Variants in INIP observed in about 807,000 individuals in gnomAD.
The protein encoded by INIP is SOSS complex subunit C.
Under a neutral mutation model 14.0 loss-of-function variants are expected in INIP, and 9 were observed. The observed-to-expected ratio is 0.64, with a 90% CI of 0.39 to 1.12. INIP has a LOEUF of 1.12. Among genes scored for constraint, INIP ranks in the 50% most tolerant of loss-of-function variants. The pLI is 0.01. For synonymous variants in INIP, 37 were observed against 41.5 expected (o/e 0.89, Z 0.41); for missense variants, 78 against 122.7 (o/e 0.64, Z 1.72).
intron 2 of INIP, among the ~76,000 whole-genome samples, chr9:112,700,201 G>T (rs1168476767): frequency 6.6e-6 from 1 of 152,026 alleles, no homozygotes; most frequent in Non-Finnish European, 1.5e-5. Context: ...GTAGTTGTTG[G>T]TTATCAAAGC....
At chr9:112,700,831 T>C (rs888065453) in intron 2 of INIP, among the ~76,000 whole-genome samples, 1 of 151,968 alleles carries the variant, frequency 6.6e-6, no homozygotes, top group Non-Finnish European at 1.5e-5. Context: ...GGTGGAAATC[T>C]GTAACTATAG....
chr9:112,703,439 C>G (rs1368810071), intron 2 of INIP, among the ~76,000 whole-genome samples: 1 of 152,088 alleles, frequency 6.6e-6, no homozygotes, highest in Non-Finnish European at 1.5e-5. Context: ...GAACCAGAGG[C>G]CAGACATGGT....
intron 2 of INIP, among the ~76,000 whole-genome samples, chr9:112,707,240 CT>C (rs745697280): frequency 0.038 from 4,705 of 124,258 alleles, 217 homozygotes; most frequent in African/African-American, 0.11. Flanking sequence ...TGCCCGGCCT[CT>C]TTTTTTTTTT....
chr9:112,702,973 T>A (rs551272557), intron 2 of INIP, among the ~76,000 whole-genome samples: 1 of 152,346 alleles, frequency 6.6e-6, no homozygotes, highest in South Asian at 2.1e-4. Flanking sequence ...TGTATGAATT[T>A]TTTTTTTTAG....
At chr9:112,689,498 G>A (rs780965297) in intron 4 of INIP, 29 bp downstream of exon 4, 93 of 1,581,512 alleles carry the variant, frequency 5.9e-5, no homozygotes, top group Admixed American at 4.2e-4. Flanking sequence ...AACCTCCACC[G>A]AGGCAAGAAT....
chr9:112,699,209 G>GTGAC (rs1305483449), intron 2 of INIP, among the ~76,000 whole-genome samples: 1 of 151,730 alleles, frequency 6.6e-6, no homozygotes, highest in Non-Finnish European at 1.5e-5. Flanking sequence ...TGTAGTCCCA[G>GTGAC]TGACTCAGGA....
chr9:112,706,751 C>T (rs1435392558), intron 2 of INIP, among the ~76,000 whole-genome samples: 3 of 151,984 alleles, frequency 2.0e-5, no homozygotes, highest in Non-Finnish European at 2.9e-5. Context: ...ATCTCATGTA[C>T]GGTAAGAACT....
intron 2 of INIP, among the ~76,000 whole-genome samples, chr9:112,705,503 G>T (rs754009212): frequency 3.9e-5 from 6 of 152,036 alleles, no homozygotes; most frequent in Non-Finnish European, 8.8e-5. Context: ...TACAAATGGG[G>T]TCCCCTTGTG....
At chr9:112,716,845 C>T (rs1249148747) in intron 1 of INIP, among the ~76,000 whole-genome samples, 1 of 151,626 alleles carries the variant, frequency 6.6e-6, no homozygotes, top group Non-Finnish European at 1.5e-5. Context: ...GTCCCAGCTA[C>T]TCGGGAGGGC....
rs889332911 is a variant in INIP, at chr9:112,684,975, G to A, written c.*2563C>T. 2.0e-5 allele frequency: 3 copies of A among 152,330 alleles called. No individual in the cohort carries two copies. Among genetic ancestry groups the A allele is most frequent in the South Asian group, 2.1e-4 (1 of 4,822 alleles). The allele number at this position is 152,330 out of a possible 1,614,324, so 9.4% of individuals were successfully genotyped here. On this transcript the variant is annotated 3_prime_UTR_variant, in exon 5 of 5. Coordinates refer to ENST00000374242, the MANE Select transcript of INIP (RefSeq NM_021218.3). The stretch of plus-strand genomic sequence containing the variant: ...CTCATTCTGAAACCTTGCTCTGCAC[G>A]TGGAGCAGCTCTTCCTTCCCTTGTC...
rs201444589 is a variant in INIP, at chr9:112,710,757, GA to G, written c.25+5703del. Among the ~76,000 whole-genome samples, 304 of 152,190 alleles carry G rather than the reference GA, an allele frequency of 2.0e-3. 2 individuals carry two copies. Among genetic ancestry groups the G allele is most frequent in the African/African-American group, 7.0e-3 (290 of 41,516 alleles). On this transcript the variant is annotated intron_variant, in intron 2 of 4. Coordinates refer to ENST00000374242, the MANE Select transcript of INIP (RefSeq NM_021218.3). ...ACATTAATAAATTACAACACATAAA[GA>G]TTTTTTTTAAATCATGGTTCTTTCA... is the stretch of plus-strand genomic sequence containing the variant.
intron 2 of INIP, among the ~76,000 whole-genome samples, chr9:112,714,390 G>A (rs993479880): frequency 6.6e-6 from 1 of 152,232 alleles, no homozygotes; most frequent in African/African-American, 2.4e-5. Flanking sequence ...AAGTAGTTAA[G>A]TGGTTAACTA....
In INIP at chr9:112,687,327, A is replaced by C; in HGVS notation, c.*211T>G. On this transcript the variant is annotated 3_prime_UTR_variant, in exon 5 of 5. Transcript: ENST00000374242. Reference sequence around the variant, plus strand: ...TACAAAAAAGTTACAGTCACGGTACATAATCAATTCCTTGGACGATACAGC... The same window carrying C: ...TACAAAAAAGTTACAGTCACGGTACCTAATCAATTCCTTGGACGATACAGC... 2.2e-6 allele frequency: 1 copy of C among 454,858 alleles called. No individual in the cohort carries two copies. The highest frequency in any genetic ancestry group is 4.0e-6 in the Non-Finnish European group (1 of 249,854). 28.2% of individuals were successfully genotyped at this position (454,858 alleles called of 1,614,324 possible). A position where few individuals can be genotyped will look rare whatever the true frequency, so the allele number is the denominator to read the frequency against.
chr9:112,699,948 T>C (rs1008110023), intron 2 of INIP, among the ~76,000 whole-genome samples: 1 of 152,192 alleles, frequency 6.6e-6, no homozygotes, highest in Non-Finnish European at 1.5e-5. Context: ...TACATAACCA[T>C]TCTGTTTAGT....
At chr9:112,695,269 A>G (rs1335005788) in intron 2 of INIP, among the ~76,000 whole-genome samples, 1 of 151,810 alleles carries the variant, frequency 6.6e-6, no homozygotes, top group Non-Finnish European at 1.5e-5. Flanking sequence ...AAAAAAAAAA[A>G]AAAAAGATAA....
intron 3 of INIP, among the ~76,000 whole-genome samples, chr9:112,692,008 A>AAAAAAAG (rs958644555): frequency 1.1e-4 from 16 of 152,092 alleles, no homozygotes; most frequent in Non-Finnish European, 2.4e-4. Context: ...CCTGTCTCAA[A>AAAAAAAG]AAAAAAGAAA....
chr9:112,694,236 A>C lies in INIP; in HGVS notation c.26-3T>G, dbSNP rs1838000245. 1 of 1,530,804 alleles carries C rather than the reference A, an allele frequency of 6.5e-7. No individual in the cohort carries two copies. Among genetic ancestry groups the C allele is most frequent in the African/African-American group, 1.4e-5 (1 of 72,418 alleles). 94.8% of individuals were successfully genotyped at this position (1,530,804 alleles called of 1,614,324 possible). ...AACTCTATTTTTGTTTTGAAAACCT[A>C]AAAAAAAGAGGGGAATAGGAGAAAA... On this transcript the variant is annotated splice_polypyrimidine_tract_variant and splice_region_variant and intron_variant, in intron 2 of 4. Transcript: ENST00000374242.
At chr9:112,709,074 A>G (rs990546180) in intron 2 of INIP, among the ~76,000 whole-genome samples, 1 of 152,080 alleles carries the variant, frequency 6.6e-6, no homozygotes, top group African/African-American at 2.4e-5. Flanking sequence ...TCTTTCACCT[A>G]GACCTAAGGA....
intron 2 of INIP, among the ~76,000 whole-genome samples, chr9:112,709,498 G>A (rs904923781): frequency 3.3e-5 from 5 of 152,060 alleles, no homozygotes; most frequent in African/African-American, 1.2e-4. Flanking sequence ...GACCAAAGGG[G>A]ATAACAGTAA....
Sources: allele counts gnomAD v4.1 joint callset (sites outside exome capture counted in the v4.1 genomes callset), GRCh38; gene constraint gnomAD v4.1.1; transcripts MANE v1.5; gene names NCBI Gene and HGNC (gene_info 2026-07-23, HGNC 2026-07-21).